Variants in ACTR3 observed in about 807,000 individuals in gnomAD.
The protein encoded by ACTR3 is actin-related protein 3.
Under a neutral mutation model 56.8 loss-of-function variants are expected in ACTR3, and 12 were observed. That is an observed-to-expected ratio of 0.21 (90% CI 0.14 to 0.34). The LOEUF is 0.34. Among genes scored for constraint, ACTR3 ranks in the 10% least tolerant of loss-of-function variants. The pLI, the probability that ACTR3 is intolerant of heterozygous loss-of-function variation, is 1.00. For missense variants in ACTR3, 282 were observed against 512.5 expected (o/e 0.55, Z 4.34); for synonymous variants, 162 against 167.4 (o/e 0.97, Z 0.25).
intron 1 of ACTR3, among the ~76,000 whole-genome samples, chr2:113,895,553 C>T (rs574345445): frequency 6.6e-6 from 1 of 152,330 alleles, no homozygotes; most frequent in African/African-American, 2.4e-5. Context: ...TTTACATAGG[C>T]TTCCTAGATG....
At chr2:113,901,657 GTCTCT>G (rs1340893712) in intron 1 of ACTR3, among the ~76,000 whole-genome samples, 1 of 152,202 alleles carries the variant, frequency 6.6e-6, no homozygotes, top group African/African-American at 2.4e-5. Flanking sequence ...GATCATTAAA[GTCTCT>G]TCTATCCTTA....
intron 5 of ACTR3, among the ~76,000 whole-genome samples, chr2:113,932,272 T>TA (rs1388320270): frequency 6.6e-6 from 1 of 152,248 alleles, no homozygotes; most frequent in East Asian, 1.9e-4. Context: ...AGGAGTCACT[T>TA]AAACCTGTCA....
chr2:113,932,923 A>G (rs1392439048), intron 5 of ACTR3, among the ~76,000 whole-genome samples: 1 of 152,192 alleles, frequency 6.6e-6, no homozygotes, highest in East Asian at 1.9e-4. Context: ...CCTTTTAGCT[A>G]TTACAGTCCA....
At chr2:113,895,981 C>G (rs1023100534) in intron 1 of ACTR3, among the ~76,000 whole-genome samples, 8 of 152,108 alleles carry the variant, frequency 5.3e-5, no homozygotes, top group Non-Finnish European at 1.2e-4. Flanking sequence ...GCCTCAGTCC[C>G]CCGAGTAGCT....
chr2:113,901,555 T>C (rs1482017643), intron 1 of ACTR3, among the ~76,000 whole-genome samples: 1 of 152,230 alleles, frequency 6.6e-6, no homozygotes, highest in East Asian at 1.9e-4. Flanking sequence ...TTTTATGATA[T>C]GGTAAGAGTA....
At chr2:113,890,512 G>A in intron 1 of ACTR3, 189 bp downstream of exon 1, 1 of 1,348,234 alleles carries the variant, frequency 7.4e-7, no homozygotes, top group Non-Finnish European at 9.7e-7. Flanking sequence ...CTCCCTCCTG[G>A]GACTGGGGCG....
chr2:113,900,480 A>G (rs1333240278), intron 1 of ACTR3, among the ~76,000 whole-genome samples: 1 of 152,172 alleles, frequency 6.6e-6, no homozygotes, highest in Non-Finnish European at 1.5e-5. Context: ...AGGGACTGGG[A>G]AAACGTTGAG....
chr2:113,932,083 TC>T (rs776746128), intron 5 of ACTR3, among the ~76,000 whole-genome samples: 1 of 152,214 alleles, frequency 6.6e-6, no homozygotes, highest in Non-Finnish European at 1.5e-5. Context: ...CTGAGGTCTG[TC>T]TGACTTTGCT....
chr2:113,938,472 C>T (rs1309631281), intron 6 of ACTR3, among the ~76,000 whole-genome samples: 1 of 152,088 alleles, frequency 6.6e-6, no homozygotes, highest in Non-Finnish European at 1.5e-5. Flanking sequence ...TAGTTTGATC[C>T]TCTCAGGGGC....
Position 113,890,216 on chromosome 2 carries a change from C to A in ACTR3, c.-64C>A, listed in dbSNP as rs956207384. ...TCAGATAGCCCTTGTCTCCCGCCGC[C>A]AATCTCTGGCCCCTAGCAGCACGGA... is the stretch of plus-strand genomic sequence containing the variant. On this transcript the variant is annotated 5_prime_UTR_variant, in exon 1 of 12. Coordinates refer to ENST00000263238, the MANE Select transcript of ACTR3 (RefSeq NM_005721.5). The A allele has an allele frequency of 6.5e-7, 1 of 1,549,422 alleles. No individual in the cohort carries two copies. The highest frequency in any genetic ancestry group is 2.0e-5 in the Admixed American group (1 of 50,992).
intron 3 of ACTR3, among the ~76,000 whole-genome samples, chr2:113,925,496 G>A (rs993266673): frequency 3.3e-5 from 5 of 152,022 alleles, no homozygotes; most frequent in Non-Finnish European, 7.4e-5. Flanking sequence ...ACGCCCAGTC[G>A]GAACTTTATT....
At chr2:113,948,542 T>G (rs1360350677) in intron 8 of ACTR3, among the ~76,000 whole-genome samples, 4 of 152,150 alleles carry the variant, frequency 2.6e-5, no homozygotes, top group African/African-American at 9.7e-5. Context: ...GACCTTTCTA[T>G]TCCCTTTTCA....
chr2:113,955,777 C>A, intron 11 of ACTR3, 71 bp downstream of exon 11: 1 of 1,272,322 alleles, frequency 7.9e-7, no homozygotes, highest in Non-Finnish European at 1.1e-6. Context: ...GGTGGACTTT[C>A]GCTCTTGTCA....
intron 4 of ACTR3, among the ~76,000 whole-genome samples, chr2:113,928,436 G>A (rs1030239343): frequency 6.6e-6 from 1 of 152,176 alleles, no homozygotes; most frequent in East Asian, 1.9e-4. Flanking sequence ...GCTATCATTT[G>A]TGTATGGTTA....
intron 8 of ACTR3, among the ~76,000 whole-genome samples, chr2:113,942,826 C>T (rs900271391): frequency 2.0e-5 from 3 of 151,942 alleles, no homozygotes; most frequent in Admixed American, 6.5e-5. Flanking sequence ...GTTTTAGCAA[C>T]ATAAAGGCTT....
chr2:113,921,075 A>T (rs1679497769), intron 3 of ACTR3, among the ~76,000 whole-genome samples: 1 of 152,146 alleles, frequency 6.6e-6, no homozygotes, highest in African/African-American at 2.4e-5. Context: ...ACCTATTAAC[A>T]TTCCCTCCAC....
At chr2:113,934,204 T>C in intron 5 of ACTR3, 75 bp from the exon 6 acceptor site, 1 of 968,088 alleles carries the variant, frequency 1.0e-6, no homozygotes, top group South Asian at 1.5e-5. Flanking sequence ...ACTAGTTTTT[T>C]TTTTTTCGAT....
At chr2:113,946,034 C>T (rs1488037511) in intron 8 of ACTR3, among the ~76,000 whole-genome samples, 1 of 152,156 alleles carries the variant, frequency 6.6e-6, no homozygotes, top group African/African-American at 2.4e-5. Flanking sequence ...TTTCTTTATC[C>T]AGTCTACCAT....
At chr2:113,898,535 T>G (rs530977778) in intron 1 of ACTR3, among the ~76,000 whole-genome samples, 1 of 152,322 alleles carries the variant, frequency 6.6e-6, no homozygotes, top group South Asian at 2.1e-4. Flanking sequence ...GTAGTTTTAG[T>G]TGAAGCCTAC....
Sources: allele counts gnomAD v4.1 joint callset (sites outside exome capture counted in the v4.1 genomes callset), GRCh38; gene constraint gnomAD v4.1.1; transcripts MANE v1.5; gene names NCBI Gene and HGNC (gene_info 2026-07-23, HGNC 2026-07-21).